The following GRM7 variants were observed in gnomAD, a reference collection of about 807,000 sequenced individuals.
GRM7 encodes the protein glutamate metabotropic receptor 7.
GRM7 carries 35 observed loss-of-function variants against 84.5 expected under a neutral mutation model. The observed-to-expected ratio is 0.41, with a 90% CI of 0.32 to 0.55. The LOEUF (loss-of-function observed/expected upper bound fraction) is 0.55, where lower values mean the gene tolerates loss of function less well. GRM7 is among the 20% of genes least tolerant of loss of function. GRM7 has a pLI of 0.19. For missense variants in GRM7, 1,003 were observed against 1,194.6 expected (o/e 0.84, Z 2.36); for synonymous variants, 487 against 455.1 (o/e 1.07, Z -0.89).
rs933296029 is a variant in GRM7 at position 7,486,861 on chromosome 3, A to T, written c.1515+25139A>T. On this transcript the variant is annotated intron_variant, in intron 7 of 9. Coordinates refer to ENST00000357716, the MANE Select transcript of GRM7 (RefSeq NM_000844.4). This position sits in a 1 kb window ranked among gnomAD's most constrained non-coding sequence, Gnocchi z 5.5. Reference sequence around the variant, plus strand: ...CTCTGGAACTGGGTACCTGGCAGAGATTTAAAGAGTTTGAAGGAGCAGACT... The same window carrying T: ...CTCTGGAACTGGGTACCTGGCAGAGTTTTAAAGAGTTTGAAGGAGCAGACT... Among the ~76,000 whole-genome samples the T allele has an allele frequency of 2.6e-5, 4 of 152,168 alleles. No homozygotes were observed. Among genetic ancestry groups the T allele is most frequent in the Admixed American group, 2.6e-4 (4 of 15,256 alleles).
chr3:7,670,221 G>C (rs138844662), intron 8 of GRM7, among the ~76,000 whole-genome samples: 1 of 152,276 alleles, frequency 6.6e-6, no homozygotes, highest in African/African-American at 2.4e-5. Context: ...AGAGAAAAGT[G>C]TGGACTAGTG....
intron 2 of GRM7, among the ~76,000 whole-genome samples, chr3:7,241,554 T>A (rs1349769007): frequency 6.6e-6 from 1 of 152,122 alleles, no homozygotes; most frequent in African/African-American, 2.4e-5. Flanking sequence ...ACTTTTGTAT[T>A]ACATAAAATC....
At chr3:7,695,417 G>A (rs1343458077) in intron 9 of GRM7, among the ~76,000 whole-genome samples, 5 of 152,162 alleles carry the variant, frequency 3.3e-5, no homozygotes, top group African/African-American at 4.8e-5. Context: ...GCACTCAGCC[G>A]AGGAAGTCTA....
chr3:7,544,590 C>T (rs1186338641), intron 7 of GRM7, among the ~76,000 whole-genome samples: 2 of 152,134 alleles, frequency 1.3e-5, no homozygotes, highest in African/African-American at 2.4e-5. Flanking sequence ...CCAAGAATCC[C>T]TTCAGGTGGC....
At position 6,993,183 on chromosome 3, in the gene GRM7, G is replaced by A. The variant is rs1488935067; in HGVS notation, c.519+131276G>A. Among the ~76,000 whole-genome samples, 3 of 152,226 alleles carry A rather than the reference G, an allele frequency of 2.0e-5. No individual in the cohort carries two copies. The East Asian group carries it at 5.8e-4, about 29-fold the overall frequency. ...CTTATAAAAGCATCAGATCTCGTGA[G>A]AACTTACTATCATGAGAATCCCATG... On this transcript the variant is annotated intron_variant, in intron 1 of 9. Transcript: ENST00000357716.
chr3:7,249,748 G>T (rs1395821252), intron 2 of GRM7, among the ~76,000 whole-genome samples: 2 of 152,120 alleles, frequency 1.3e-5, no homozygotes, highest in Non-Finnish European at 2.9e-5. Flanking sequence ...ATCTGTATTT[G>T]TTACAATATA....
At chr3:7,209,030 C>A (rs756855337) in intron 2 of GRM7, among the ~76,000 whole-genome samples, 1 of 152,188 alleles carries the variant, frequency 6.6e-6, no homozygotes, top group Non-Finnish European at 1.5e-5. Context: ...ACCTAACTTA[C>A]TGAATCTCAC....
intron 1 of GRM7, among the ~76,000 whole-genome samples, chr3:7,142,466 C>A (rs1693978021): frequency 6.6e-6 from 1 of 151,970 alleles, no homozygotes; most frequent in Admixed American, 6.6e-5. Context: ...AAGTGACAAG[C>A]AAAGGAGGAA....
At chr3:6,924,172 G>A (rs554746172) in intron 1 of GRM7, among the ~76,000 whole-genome samples, 115 of 152,232 alleles carry the variant, frequency 7.6e-4, no homozygotes, top group Non-Finnish European at 1.2e-3. Flanking sequence ...ATCTGCTCTC[G>A]TGTTGGAGAA....
intron 4 of GRM7, among the ~76,000 whole-genome samples, chr3:7,307,789 G>A (rs1700245100): frequency 6.6e-6 from 1 of 152,072 alleles, no homozygotes; most frequent in Non-Finnish European, 1.5e-5. Context: ...CCTTGCACTG[G>A]AAAAACTGTG....
chr3:7,189,493 C>T (rs1192580840), intron 2 of GRM7, among the ~76,000 whole-genome samples: 1 of 152,090 alleles, frequency 6.6e-6, no homozygotes, highest in Non-Finnish European at 1.5e-5. Context: ...AGCAAATGCT[C>T]AATAAAAACT....
At chr3:7,149,056 T>A (rs1694197259) in intron 2 of GRM7, among the ~76,000 whole-genome samples, 1 of 152,166 alleles carries the variant, frequency 6.6e-6, no homozygotes, top group Non-Finnish European at 1.5e-5. Flanking sequence ...TTAATAAGTA[T>A]CCTTCTTTTA....
At chr3:7,723,563 G>C (rs1459696951) in intron 9 of GRM7, among the ~76,000 whole-genome samples, 1 of 152,072 alleles carries the variant, frequency 6.6e-6, no homozygotes, top group African/African-American at 2.4e-5. Context: ...ATTTAGGTAG[G>C]GCACAATGGC....
chr3:6,945,560 T>G (rs1392273557), intron 1 of GRM7, among the ~76,000 whole-genome samples: 1 of 152,168 alleles, frequency 6.6e-6, no homozygotes, highest in Non-Finnish European at 1.5e-5. Context: ...TGATTTATAA[T>G]CCTTTGGGTA....
At chr3:7,431,492 A>G (rs1696828448) in intron 5 of GRM7, among the ~76,000 whole-genome samples, 1 of 152,214 alleles carries the variant, frequency 6.6e-6, no homozygotes. Flanking sequence ...TCTGAACGGC[A>G]TACGCTGTAT....
At chr3:7,105,466 A>C (rs1468119954) in intron 1 of GRM7, among the ~76,000 whole-genome samples, 1 of 151,818 alleles carries the variant, frequency 6.6e-6, no homozygotes, top group Non-Finnish European at 1.5e-5. Flanking sequence ...GATCTTCATG[A>C]ATTTTGGCAT....
chr3:6,870,418 T>C (rs1316124471), intron 1 of GRM7, among the ~76,000 whole-genome samples: 1 of 152,122 alleles, frequency 6.6e-6, no homozygotes. Flanking sequence ...GTAGAGGCCA[T>C]TGTGGCTGAG....
intron 8 of GRM7, among the ~76,000 whole-genome samples, chr3:7,614,136 G>A (rs62235199): frequency 0.57 from 87,139 of 151,804 alleles, 25,193 homozygotes; most frequent in Non-Finnish European, 0.6. Context: ...ATGGTGGTGC[G>A]TACCTGTAAT....
intron 1 of GRM7, among the ~76,000 whole-genome samples, chr3:7,142,559 C>T (rs1300349050): frequency 1.3e-5 from 2 of 152,096 alleles, no homozygotes; most frequent in Non-Finnish European, 2.9e-5. Flanking sequence ...TCTCATGATC[C>T]AATTGCCTCC....
Sources: gnomAD v4.1 joint callset for allele counts (sites outside exome capture counted in the v4.1 genomes callset) on GRCh38, gnomAD v4.1.1 for gene constraint, Gnocchi (gnomAD v3.1) non-coding constraint, MANE v1.5 for transcripts, NCBI Gene and HGNC (gene_info 2026-07-23, HGNC 2026-07-21) for gene names.